Variants in CCSER1 observed in about 807,000 individuals in gnomAD.
The protein encoded by CCSER1 is coiled-coil serine rich protein 1.
CCSER1 carries 41 observed loss-of-function variants against 82.0 expected under a neutral mutation model. The ratio of observed to expected loss-of-function variants is 0.50; its 90% CI spans 0.39 to 0.65. The LOEUF (loss-of-function observed/expected upper bound fraction) is 0.65. CCSER1 is among the 30% of genes least tolerant of loss of function. The pLI is 0.00. For synonymous variants in CCSER1, 414 were observed against 383.9 expected (o/e 1.08, Z -0.92); for missense variants, 1,119 against 1,064.2 (o/e 1.05, Z -0.72).
intron 10 of CCSER1, among the ~76,000 whole-genome samples, chr4:91,519,561 G>A (rs1760337640): frequency 6.6e-6 from 1 of 152,230 alleles, no homozygotes; most frequent in Non-Finnish European, 1.5e-5. Context: ...CCTGAGCAGT[G>A]GCTCTGCCCA....
Position 91,147,702 on chromosome 4 carries a change from G to A in CCSER1, c.2217+61708G>A, listed in dbSNP as rs577092401. Among the ~76,000 whole-genome samples, 215 of 152,246 alleles carry A rather than the reference G, an allele frequency of 1.4e-3. 2 individuals carry two copies. Among genetic ancestry groups the A allele is most frequent in the Non-Finnish European group, 2.5e-3 (169 of 68,026 alleles). ...GGGGCGGGCTCTCTCCTGCTCCCAG[G>A]CAGCCAGCAAAACTCTATTTTAATT... On this transcript the variant is annotated intron_variant, in intron 10 of 10. Transcript: ENST00000509176.
intron 5 of CCSER1, among the ~76,000 whole-genome samples, chr4:90,551,698 C>A (rs1325568589): frequency 1.7e-5 from 2 of 118,510 alleles, no homozygotes; most frequent in African/African-American, 8.2e-5. Flanking sequence ...CTCTCTCTCT[C>A]TCTCTCTCTA....
chr4:91,468,692 A>C (rs2149441292), intron 10 of CCSER1, among the ~76,000 whole-genome samples: 1 of 152,150 alleles, frequency 6.6e-6, no homozygotes, highest in African/African-American at 2.4e-5. Context: ...AGTTAACATT[A>C]ATCATAAAAA....
intron 10 of CCSER1, among the ~76,000 whole-genome samples, chr4:91,398,423 T>G: frequency 6.6e-6 from 1 of 152,044 alleles, no homozygotes; most frequent in Non-Finnish European, 1.5e-5. Context: ...ATATTATATT[T>G]AAAATACTTT....
chr4:91,515,306 G>A (rs1922224), intron 10 of CCSER1, among the ~76,000 whole-genome samples: 17,013 of 151,908 alleles, frequency 0.11, 1,029 homozygotes, highest in South Asian at 0.2. Context: ...TCATCACGCA[G>A]GTATGAGGCA....
intron 10 of CCSER1, among the ~76,000 whole-genome samples, chr4:91,503,267 G>A (rs530391575): frequency 4.0e-5 from 6 of 151,624 alleles, no homozygotes; most frequent in South Asian, 2.1e-4. Context: ...GAGTGAACCC[G>A]GGAGGCGGAG....
At chr4:90,886,569 T>C (rs1286084386) in intron 8 of CCSER1, among the ~76,000 whole-genome samples, 1 of 152,194 alleles carries the variant, frequency 6.6e-6, no homozygotes, top group East Asian at 1.9e-4. Context: ...AACTCTAAGA[T>C]AGGTAATAAT....
intron 5 of CCSER1, among the ~76,000 whole-genome samples, chr4:90,476,472 G>A (rs941495514): frequency 1.3e-5 from 2 of 152,128 alleles, no homozygotes; most frequent in Non-Finnish European, 2.9e-5. Flanking sequence ...TGGAAAGGCA[G>A]CCGGCTAGAT....
chr4:91,583,449 A>G (rs550459746), intron 10 of CCSER1, among the ~76,000 whole-genome samples: 1 of 151,398 alleles, frequency 6.6e-6, no homozygotes, highest in Admixed American at 6.6e-5. Flanking sequence ...TCTTCATTCA[A>G]GGGTTGTTTC....
chr4:91,585,612 G>C (rs2110326286), intron 10 of CCSER1, among the ~76,000 whole-genome samples: 1 of 151,538 alleles, frequency 6.6e-6, no homozygotes, highest in Non-Finnish European at 1.5e-5. Context: ...ATTAAATTCT[G>C]GGTTGTGAAA....
intron 6 of CCSER1, among the ~76,000 whole-genome samples, chr4:90,648,285 G>GAAAGAAAGAAAGAAAGGAAAGAAAGA (rs1728016190): frequency 1.5e-4 from 2 of 13,672 alleles, no homozygotes; most frequent in Non-Finnish European, 3.4e-4. Flanking sequence ...AGAAAGAAAG[G>GAAAGAAAGAAAGAAAGGAAAGAAAGA]AAAGAAAGAA....
At chr4:90,239,342 T>C (rs950470716) in intron 1 of CCSER1, among the ~76,000 whole-genome samples, 2 of 152,234 alleles carry the variant, frequency 1.3e-5, no homozygotes, top group Non-Finnish European at 2.9e-5. Context: ...TACTGCACTT[T>C]ATGCATTGAT....
chr4:91,106,838 G>A lies in CCSER1; in HGVS notation c.2217+20844G>A, dbSNP rs1454516396. ...GATGGTATCAGCTATCTACTCTATAGATGAATTATAACTTCTAATTATTGA... is the reference window on the plus strand; with the variant it reads ...GATGGTATCAGCTATCTACTCTATAAATGAATTATAACTTCTAATTATTGA... On this transcript the variant is annotated intron_variant, in intron 10 of 10. Transcript: ENST00000509176. Among the ~76,000 whole-genome samples the A allele has an allele frequency of 5.9e-5, 9 of 152,198 alleles. No individual in the cohort carries two copies. In the East Asian group the frequency reaches 1.7e-3, roughly 29 times the overall value.
chr4:90,572,270 C>T (rs1345916356), intron 5 of CCSER1, among the ~76,000 whole-genome samples: 2 of 152,148 alleles, frequency 1.3e-5, no homozygotes, highest in African/African-American at 4.8e-5. Flanking sequence ...TATCTTTCTG[C>T]TTTCAGAATA....
At chr4:91,416,222 A>G (rs1753354766) in intron 10 of CCSER1, among the ~76,000 whole-genome samples, 1 of 152,170 alleles carries the variant, frequency 6.6e-6, no homozygotes, top group African/African-American at 2.4e-5. Context: ...AAATGGAAAA[A>G]CATTCCATGC....
chr4:90,273,019 AAAC>A (rs1357544008), intron 1 of CCSER1, among the ~76,000 whole-genome samples: 8 of 141,628 alleles, frequency 5.6e-5, no homozygotes, highest in Non-Finnish European at 1.0e-4. Flanking sequence ...ACAAACAAAC[AAAC>A]AAAAAAAAAC....
chr4:90,353,912 C>CCA (rs1222919058), intron 3 of CCSER1, among the ~76,000 whole-genome samples: 1 of 152,130 alleles, frequency 6.6e-6, no homozygotes, highest in Non-Finnish European at 1.5e-5. Flanking sequence ...GTCATATGAT[C>CCA]CAGTAATCCC....
chr4:91,275,120 A>G (rs1373230639), intron 10 of CCSER1, among the ~76,000 whole-genome samples: 1 of 151,944 alleles, frequency 6.6e-6, no homozygotes, highest in East Asian at 1.9e-4. Flanking sequence ...AAAAAAAGAA[A>G]CACTAATTTA....
At chr4:91,570,236 A>T (rs892191166) in intron 10 of CCSER1, among the ~76,000 whole-genome samples, 9 of 152,108 alleles carry the variant, frequency 5.9e-5, no homozygotes, top group Non-Finnish European at 1.3e-4. Context: ...ATGGGTTGGC[A>T]TGAGTGCCTT....
Sources: gnomAD v4.1 joint callset for allele counts (sites outside exome capture counted in the v4.1 genomes callset) on GRCh38, gnomAD v4.1.1 for gene constraint, MANE v1.5 for transcripts, NCBI Gene and HGNC (gene_info 2026-07-23, HGNC 2026-07-21) for gene names.